The following AUTS2 variants were observed in gnomAD, a reference collection of about 807,000 sequenced individuals.
The protein encoded by AUTS2 is autism susceptibility gene 2 protein.
In AUTS2, 17 loss-of-function variants were observed where a neutral mutation model predicts 112.4. The ratio of observed to expected loss-of-function variants is 0.15; its 90% CI spans 0.10 to 0.23. AUTS2 has a LOEUF of 0.23. Ranked by LOEUF, AUTS2 falls within the 10% of genes least tolerant of loss-of-function variation. AUTS2 has a pLI of 1.00. For synonymous variants in AUTS2, 751 were observed against 702.7 expected (o/e 1.07, Z -1.09); for missense variants, 1,510 against 1,701.6 (o/e 0.89, Z 1.98).
intron 5 of AUTS2, among the ~76,000 whole-genome samples, chr7:70,510,827 AATTT>A (rs1291437037): frequency 1.3e-5 from 2 of 151,786 alleles, no homozygotes; most frequent in Admixed American, 6.6e-5. Context: ...TCTCAGTTTT[AATTT>A]ATTTATTTTT....
intron 2 of AUTS2, among the ~76,000 whole-genome samples, chr7:70,059,765 G>C (rs746476528): frequency 6.6e-6 from 1 of 152,160 alleles, no homozygotes; most frequent in Non-Finnish European, 1.5e-5. Context: ...GGCTAAAGAA[G>C]ATAGGCTTCC....
intron 4 of AUTS2, chr7:70,293,703 G>A (rs1788807997): frequency 6.6e-6 from 1 of 152,194 alleles, no homozygotes; most frequent in Non-Finnish European, 1.5e-5. Flanking sequence ...CCTCGTCTCA[G>A]GGACACCATT....
chr7:69,620,906 A>G (rs981618863), intron 1 of AUTS2, among the ~76,000 whole-genome samples: 10 of 152,144 alleles, frequency 6.6e-5, no homozygotes, highest in African/African-American at 2.4e-4. Flanking sequence ...CAGGTTTGGG[A>G]ATAAGGGCAG....
chr7:69,606,605 G>C (rs1403955140), intron 1 of AUTS2, among the ~76,000 whole-genome samples: 1 of 151,326 alleles, frequency 6.6e-6, no homozygotes, highest in African/African-American at 2.4e-5. Flanking sequence ...TTTTCTTTCA[G>C]AATTAGGATT....
chr7:69,981,757 C>T (rs889382238), intron 2 of AUTS2, among the ~76,000 whole-genome samples: 2 of 152,146 alleles, frequency 1.3e-5, no homozygotes, highest in African/African-American at 2.4e-5. Context: ...AACATTATTT[C>T]CTCTTGAGAT....
At chr7:70,621,968 T>C (rs916222949) in intron 5 of AUTS2, among the ~76,000 whole-genome samples, 16 of 145,584 alleles carry the variant, frequency 1.1e-4, no homozygotes, top group African/African-American at 4.1e-4. Context: ...TGCCTCAGCC[T>C]CGCGAGTAAC....
intron 2 of AUTS2, among the ~76,000 whole-genome samples, chr7:69,952,427 T>C (rs1797063041): frequency 6.6e-6 from 1 of 152,174 alleles, no homozygotes; most frequent in Non-Finnish European, 1.5e-5. Flanking sequence ...GGGAGTTAAT[T>C]CTTAAGTAGT....
chr7:69,689,247 CAG>C, intron 1 of AUTS2, among the ~76,000 whole-genome samples: 1 of 151,972 alleles, frequency 6.6e-6, no homozygotes, highest in East Asian at 1.9e-4. Flanking sequence ...ATCACTTCCT[CAG>C]AGAGGCTTTC....
intron 2 of AUTS2, among the ~76,000 whole-genome samples, chr7:69,948,896 C>T (rs1431812116): frequency 6.6e-6 from 1 of 151,976 alleles, no homozygotes; most frequent in Non-Finnish European, 1.5e-5. Flanking sequence ...ACCTCCACCT[C>T]CCGGGTTCAA....
chr7:70,603,465 C>T (rs926489821), intron 5 of AUTS2, among the ~76,000 whole-genome samples: 4 of 152,170 alleles, frequency 2.6e-5, no homozygotes, highest in East Asian at 3.9e-4. Flanking sequence ...GAACATGCCC[C>T]GTCGCTGGGG....
At chr7:69,851,911 C>T (rs1792500888) in intron 1 of AUTS2, among the ~76,000 whole-genome samples, 2 of 152,256 alleles carry the variant, frequency 1.3e-5, no homozygotes, top group South Asian at 2.1e-4. Flanking sequence ...ATCATCTATA[C>T]GAGCATGTCA....
In AUTS2 at chr7:70,771,641, G is replaced by T. The variant is rs146043752; in HGVS notation, c.1827G>T (p.Pro609=). ...GTTCACTACAAGGAGCATTTCAGCC[G>T]AAGGTAAGAAACCTCACAGTGAAAA... ...PFGSLQGAFQ[P]KTSNPIDVAA... is the part of the protein sequence containing the mutation. Residue 609 remains proline (P), a synonymous_variant, in exon 11 of 19, where the codon CCG becomes CCT. Transcript: ENST00000342771. 2 of 1,613,012 alleles carry T rather than the reference G, an allele frequency of 1.2e-6. No individual in the cohort carries two copies. The highest frequency in any genetic ancestry group is 1.1e-5 in the South Asian group (1 of 90,984).
intron 4 of AUTS2, among the ~76,000 whole-genome samples, chr7:70,360,846 T>A (rs771027121): frequency 4.6e-5 from 7 of 152,180 alleles, no homozygotes; most frequent in Non-Finnish European, 1.0e-4. Flanking sequence ...AGCTGCTCTT[T>A]TCTGGAGTTT....
intron 5 of AUTS2, among the ~76,000 whole-genome samples, chr7:70,479,867 T>A (rs1478271169): frequency 6.6e-6 from 1 of 152,114 alleles, no homozygotes; most frequent in East Asian, 1.9e-4. Flanking sequence ...GAAACCAAGG[T>A]GTGAGAGTGT....
At chr7:69,678,518 G>A (rs756482392) in intron 1 of AUTS2, among the ~76,000 whole-genome samples, 3 of 152,128 alleles carry the variant, frequency 2.0e-5, no homozygotes, top group East Asian at 3.8e-4. Flanking sequence ...AAATCATGGC[G>A]AAATGGTGTT....
At chr7:70,025,300 T>C (rs1174041254) in intron 2 of AUTS2, among the ~76,000 whole-genome samples, 1 of 152,116 alleles carries the variant, frequency 6.6e-6, no homozygotes, top group Non-Finnish European at 1.5e-5. Flanking sequence ...CATGTAGAGC[T>C]CAAGGTTCAA....
intron 4 of AUTS2, among the ~76,000 whole-genome samples, chr7:70,307,011 T>A (rs1789523398): frequency 6.6e-6 from 1 of 152,178 alleles, no homozygotes; most frequent in Non-Finnish European, 1.5e-5. Flanking sequence ...TAGATAACTG[T>A]TTTTGTAATG....
intron 4 of AUTS2, among the ~76,000 whole-genome samples, chr7:70,327,772 T>G (rs577741991): frequency 6.6e-6 from 1 of 152,300 alleles, no homozygotes; most frequent in Non-Finnish European, 1.5e-5. Flanking sequence ...ACTCCCTGTT[T>G]TTGTAATATG....
intron 5 of AUTS2, among the ~76,000 whole-genome samples, chr7:70,534,071 C>T (rs1034759419): frequency 2.5e-4 from 38 of 152,234 alleles, no homozygotes; most frequent in Admixed American, 9.2e-4. Flanking sequence ...TTGTAGCACT[C>T]AAAGAGATGG....
Sources: gnomAD v4.1 joint callset for allele counts (sites outside exome capture counted in the v4.1 genomes callset) on GRCh38, gnomAD v4.1.1 for gene constraint, MANE v1.5 for transcripts, NCBI Gene and HGNC (gene_info 2026-07-23, HGNC 2026-07-21) for gene names.